The following PIK3CA variants were observed in gnomAD, a reference collection of about 807,000 sequenced individuals.
The protein encoded by PIK3CA is phosphatidylinositol 4,5-bisphosphate 3-kinase catalytic subunit alpha isoform.
In PIK3CA, 27 loss-of-function variants were observed where a neutral mutation model predicts 138.2. The observed-to-expected ratio is 0.20, with a 90% CI of 0.14 to 0.27. PIK3CA has a LOEUF of 0.27. Ranked by LOEUF, PIK3CA falls within the 10% of genes least tolerant of loss-of-function variation. PIK3CA has a pLI of 1.00. For missense variants in PIK3CA, 544 were observed against 1,277.4 expected (o/e 0.43, Z 8.75); for synonymous variants, 358 against 413.2 (o/e 0.87, Z 1.62).
chr3:179,220,853 T>G lies in PIK3CA; in HGVS notation c.2016-133T>G, dbSNP rs1252311831. ...TTGTTTCTAAATTACAGGTTTTGAA[T>G]AATTTTATTATTAGTATGATTGTAA... is the stretch of plus-strand genomic sequence containing the variant. On this transcript the variant is annotated intron_variant, in intron 13 of 20. Coordinates refer to ENST00000263967, the MANE Select transcript of PIK3CA (RefSeq NM_006218.4). This position sits in a 1 kb window ranked among gnomAD's most constrained non-coding sequence, Gnocchi z 4.1. 6.0e-6 allele frequency: 3 copies of G among 500,600 alleles called. No individual in the cohort carries two copies. The highest frequency in any genetic ancestry group is 9.9e-6 in the Non-Finnish European group (3 of 303,166). 31.0% of individuals were successfully genotyped at this position (500,600 alleles called of 1,614,324 possible).
intron 1 of PIK3CA, among the ~76,000 whole-genome samples, chr3:179,173,518 G>A (rs1723617294): frequency 6.6e-6 from 1 of 151,242 alleles, no homozygotes; most frequent in Admixed American, 6.6e-5. Context: ...GGCGGAGCTT[G>A]CAGTGAGCCT....
intron 1 of PIK3CA, among the ~76,000 whole-genome samples, chr3:179,183,390 TA>T (rs1225377134): frequency 6.6e-6 from 1 of 152,148 alleles, no homozygotes; most frequent in Non-Finnish European, 1.5e-5. Context: ...TGTATTCACT[TA>T]AAAAAATACA....
rs1401795892 is a variant in PIK3CA at position 179,209,641 on chromosome 3, C to T, written c.1192C>T (p.Arg398Cys). 6.2e-7 allele frequency: 1 copy of T among 1,612,298 alleles called. No individual in the cohort carries two copies. Among genetic ancestry groups the T allele is most frequent in the Non-Finnish European group, 8.5e-7 (1 of 1,178,866 alleles). Reference protein sequence around the residue: ...NYDIYIPDLPRAARLCLSICS... With the variant: ...NYDIYIPDLPCAARLCLSICS... ...TGATATATACATTCCTGATCTTCCTCGTGCTGCTCGACTTTGCCTTTCCAT... is the reference window on the plus strand; with the variant it reads ...TGATATATACATTCCTGATCTTCCTTGTGCTGCTCGACTTTGCCTTTCCAT... Residue 398 changes from arginine (R) to cysteine (C), a missense_variant, in exon 7 of 21, where the codon CGT becomes TGT. By Grantham distance (180) the Arg-to-Cys change is radical (BLOSUM62 -3). This residue lies in a region of PIK3CA where 234 missense variants were observed against 401.3 expected (regional missense o/e 0.58). Transcript: ENST00000263967.
At chr3:179,152,664 G>A (rs1393577047) in intron 1 of PIK3CA, among the ~76,000 whole-genome samples, 6 of 152,118 alleles carry the variant, frequency 3.9e-5, no homozygotes, top group Non-Finnish European at 8.8e-5. Flanking sequence ...CTTAGGAAGT[G>A]TTAGATCTCA....
intron 9 of PIK3CA, among the ~76,000 whole-genome samples, chr3:179,211,887 G>A (rs1395682941): frequency 1.3e-5 from 2 of 152,130 alleles, no homozygotes; most frequent in African/African-American, 4.8e-5. Context: ...GCAGAGAAAC[G>A]TCATGACGTT....
intron 1 of PIK3CA, among the ~76,000 whole-genome samples, chr3:179,182,233 A>G (rs1723865776): frequency 6.6e-6 from 1 of 152,248 alleles, no homozygotes; most frequent in Non-Finnish European, 1.5e-5. Context: ...ACTTATGTTA[A>G]ATAGCCAGTT....
intron 14 of PIK3CA, among the ~76,000 whole-genome samples, chr3:179,222,105 G>C (rs573450393): frequency 6.6e-6 from 1 of 151,624 alleles, no homozygotes; most frequent in South Asian, 2.1e-4. Flanking sequence ...TTAAAAGGAA[G>C]CTCATTCCTC....
At chr3:179,149,388 C>T (rs1334670075) in intron 1 of PIK3CA, 1 of 152,052 alleles carries the variant, frequency 6.6e-6, no homozygotes, top group Non-Finnish European at 1.5e-5. Flanking sequence ...TTTTTGACCT[C>T]GGCTCGAGGG....
At chr3:179,194,154 C>G (rs1576929712) in intron 1 of PIK3CA, among the ~76,000 whole-genome samples, 1 of 152,164 alleles carries the variant, frequency 6.6e-6, no homozygotes. Context: ...TTAAAGAAAT[C>G]TGAGAGAATT....
At chr3:179,192,054 G>C (rs1014202637) in intron 1 of PIK3CA, among the ~76,000 whole-genome samples, 4 of 152,204 alleles carry the variant, frequency 2.6e-5, no homozygotes, top group African/African-American at 9.7e-5. Flanking sequence ...ATCTTAGGCT[G>C]TATTTATAGA....
chr3:179,170,524 T>C lies in PIK3CA; in HGVS notation c.-77+21921T>C, dbSNP rs150015824. On this transcript the variant is annotated intron_variant, in intron 1 of 20. Transcript: ENST00000263967. ...AAATATCTTCTGAACCTATAAATTA[T>C]ATTCCCCTTTTAAATTTTTGTTTAA... Among the ~76,000 whole-genome samples, 60 of 152,344 alleles carry C rather than the reference T, an allele frequency of 3.9e-4. No individual in the cohort carries two copies. The East Asian group carries it at 0.011, about 28-fold the overall frequency.
chr3:179,190,777 G>A (rs185425586), intron 1 of PIK3CA, among the ~76,000 whole-genome samples: 37 of 152,288 alleles, frequency 2.4e-4, no homozygotes, highest in Non-Finnish European at 4.3e-4. Flanking sequence ...TAAATGTATC[G>A]TATGCATATG....
At chr3:179,197,160 T>C (rs916670162) in intron 1 of PIK3CA, among the ~76,000 whole-genome samples, 3 of 152,134 alleles carry the variant, frequency 2.0e-5, no homozygotes, top group Non-Finnish European at 2.9e-5. Flanking sequence ...TGCTTCAGCC[T>C]CCTGAGTAGG....
rs2108425550 is a variant in PIK3CA, at chr3:179,230,413, T to A, written c.2936+37T>A. 6.7e-7 allele frequency: 1 copy of A among 1,500,008 alleles called. No homozygotes were observed. Among genetic ancestry groups the A allele is most frequent in the South Asian group, 1.2e-5 (1 of 81,024 alleles). The allele number at this position is 1,500,008 out of a possible 1,614,324, so 92.9% of individuals were successfully genotyped here. On this transcript the variant is annotated intron_variant, in intron 20 of 20. Transcript: ENST00000263967. This position sits in a 1 kb window ranked among gnomAD's most constrained non-coding sequence, Gnocchi z 5.4. ...CAATTAAAAACACAAAATAAAGAGT[T>A]CTGGCTGCTCTATTAGAAACAATCA...
At chr3:179,183,105 G>A (rs1244743292) in intron 1 of PIK3CA, among the ~76,000 whole-genome samples, 1 of 152,130 alleles carries the variant, frequency 6.6e-6, no homozygotes. Flanking sequence ...AAGCTTTCCT[G>A]TTGTGAAATA....
chr3:179,180,573 A>G (rs1723816486), intron 1 of PIK3CA, among the ~76,000 whole-genome samples: 1 of 152,122 alleles, frequency 6.6e-6, no homozygotes, highest in African/African-American at 2.4e-5. Flanking sequence ...AAGGTGATGA[A>G]TTTGAGGGTA....
chr3:179,181,745 T>C (rs963990437), intron 1 of PIK3CA, among the ~76,000 whole-genome samples: 1 of 152,172 alleles, frequency 6.6e-6, no homozygotes, highest in Non-Finnish European at 1.5e-5. Flanking sequence ...CATAGTCACA[T>C]ACACCATAAA....
chr3:179,226,565 AC>A (rs1725088217), intron 17 of PIK3CA, among the ~76,000 whole-genome samples: 1 of 151,964 alleles, frequency 6.6e-6, no homozygotes, highest in Admixed American at 6.6e-5. Context: ...GTTCTTCCTT[AC>A]CTGACTTGTC....
chr3:179,177,694 AT>A (rs1723733624), intron 1 of PIK3CA, among the ~76,000 whole-genome samples: 1 of 152,246 alleles, frequency 6.6e-6, no homozygotes, highest in South Asian at 2.1e-4. Context: ...TAACAAAAAG[AT>A]CACTTATCTA....
Sources: gnomAD v4.1 joint callset for allele counts (sites outside exome capture counted in the v4.1 genomes callset) on GRCh38, gnomAD v4.1.1 for gene constraint, gnomAD v4.1.1 regional missense constraint, Gnocchi (gnomAD v3.1) non-coding constraint, MANE v1.5 for transcripts, NCBI Gene and HGNC (gene_info 2026-07-23, HGNC 2026-07-21) for gene names.